LONP1: variants seen among roughly 807,000 people sequenced by gnomAD.
LONP1 encodes the protein lon peptidase 1, mitochondrial.
Under a neutral mutation model 98.5 loss-of-function variants are expected in LONP1, and 31 were observed. The ratio of observed to expected loss-of-function variants is 0.31; its 90% CI spans 0.24 to 0.42. The LOEUF is 0.42. Among genes scored for constraint, LONP1 ranks in the 20% least tolerant of loss-of-function variants. The probability of loss-of-function intolerance (pLI) is 1.00; values close to 1 mark genes in which losing one functional copy is unlikely to be tolerated. For synonymous variants in LONP1, 781 were observed against 594.7 expected (o/e 1.31, Z -4.56); for missense variants, 1,336 against 1,350.6 (o/e 0.99, Z 0.17).
chr19:5,712,380 CAG>C, intron 3 of LONP1: 1 of 209,398 alleles, frequency 4.8e-6, no homozygotes, highest in Non-Finnish European at 9.6e-6. Context: ...CAGCTCATAG[CAG>C]CTCCTTCCTG....
intron 8 of LONP1, among the ~76,000 whole-genome samples, chr19:5,704,818 A>T (rs1395797174): frequency 1.3e-5 from 2 of 152,236 alleles, no homozygotes; most frequent in East Asian, 1.9e-4. Context: ...AACAGAAGCC[A>T]GGGGTAGCCT....
At chr19:5,719,207 T>A (rs994427431) in intron 1 of LONP1, among the ~76,000 whole-genome samples, 1 of 152,102 alleles carries the variant, frequency 6.6e-6, no homozygotes, top group African/African-American at 2.4e-5. Context: ...AAGGCAGAAA[T>A]TTTTGTCTGT....
At chr19:5,699,266 ACT>A (rs1327739549) in intron 9 of LONP1, 61 bp from the exon 10 acceptor site, 6 of 1,345,550 alleles carry the variant, frequency 4.5e-6, no homozygotes, top group East Asian at 2.6e-5. Context: ...CCCGCGCATG[ACT>A]CTCGCCACCT....
rs149716180 is a variant in LONP1 at position 5,703,643 on chromosome 19, G to C, written c.1367+2129C>G. On this transcript the variant is annotated intron_variant, in intron 8 of 17. Coordinates refer to ENST00000360614, the MANE Select transcript of LONP1 (RefSeq NM_004793.4). ...CCCAACGGGCATACGAGACGCACCG[G>C]GACAGGCCAGCTGGGCCACACGGAT... Among the ~76,000 whole-genome samples, 54 of 151,682 alleles carry C rather than the reference G, an allele frequency of 3.6e-4. 2 individuals carry two copies. In the East Asian group the frequency reaches 9.1e-3, roughly 26 times the overall value.
Position 5,696,655 on chromosome 19 carries a change from C to A in LONP1, c.1773+15G>T, listed in dbSNP as rs778508442. On this transcript the variant is annotated intron_variant, in intron 11 of 17. Transcript: ENST00000360614. ...ATTGCCGGGTTAGGGGGTCTCCGGG[C>A]CTCTCCGCACGCACCTCGTCGATGA... The A allele has an allele frequency of 4.3e-6, 7 of 1,611,228 alleles. No individual in the cohort carries two copies. The highest frequency in any genetic ancestry group is 5.9e-6 in the Non-Finnish European group (7 of 1,178,320).
Position 5,700,818 on chromosome 19 carries a change from C to T in LONP1, c.1477G>A (p.Gly493Ser), listed in dbSNP as rs368727101. 188 of 1,614,070 alleles carry T rather than the reference C, an allele frequency of 1.2e-4. No individual in the cohort carries two copies. The highest frequency in any genetic ancestry group is 1.8e-4 in the Admixed American group (11 of 60,008). ...AQAVLEEDHY[G>S]MEDVKKRILE... is the part of the protein sequence containing the mutation. Reference sequence around the variant, plus strand: ...ATGCGTTTCTTGACGTCCTCCATGCCGTAGTGGTCTTCCTCCAGCACTGCC... The same window carrying T: ...ATGCGTTTCTTGACGTCCTCCATGCTGTAGTGGTCTTCCTCCAGCACTGCC... The change falls in exon 9 of 18, where the codon GGC (glycine) becomes AGC (serine). Residue 493 changes from glycine to serine, a missense_variant. Around this residue, in one of 5 missense-constraint regions of LONP1, gnomAD observed 219 missense variants for 241.0 expected, o/e 0.91. Transcript: ENST00000360614.
In LONP1 at chr19:5,698,368, G is replaced by A. The variant is rs138392136; in HGVS notation, c.1685+659C>T. On this transcript the variant is annotated intron_variant, in intron 10 of 17. Coordinates refer to ENST00000360614, the MANE Select transcript of LONP1 (RefSeq NM_004793.4). ...TGGACTCAGCAGATGCCTCACACTC[G>A]GCTCTCACTGAGGCTACGGTTTCCA... 4.2e-3 allele frequency among the ~76,000 whole-genome samples: 637 copies of A among 152,266 alleles called. 2 individuals are homozygous for A. The highest frequency in any genetic ancestry group is 0.014 in the African/African-American group (594 of 41,570).
chr19:5,704,821 G>T (rs1434509189), intron 8 of LONP1, among the ~76,000 whole-genome samples: 1 of 152,178 alleles, frequency 6.6e-6, no homozygotes. Flanking sequence ...AGAAGCCAGG[G>T]GTAGCCTTGC....
intron 9 of LONP1, among the ~76,000 whole-genome samples, chr19:5,700,289 T>A (rs956657261): frequency 2.6e-5 from 4 of 151,960 alleles, no homozygotes; most frequent in African/African-American, 9.7e-5. Flanking sequence ...AATTTTGTAT[T>A]TTTAGTATAG....
intron 8 of LONP1, among the ~76,000 whole-genome samples, chr19:5,703,055 C>A (rs1300516362): frequency 1.3e-5 from 2 of 151,844 alleles, no homozygotes; most frequent in Non-Finnish European, 2.9e-5. Flanking sequence ...GCAGCGGACA[C>A]CTGTAGTTCC....
chr19:5,706,490 C>T (rs1258655733), intron 7 of LONP1, among the ~76,000 whole-genome samples: 1 of 151,982 alleles, frequency 6.6e-6, no homozygotes, highest in East Asian at 1.9e-4. Flanking sequence ...GCCTGTAATC[C>T]CAGCTACTCG....
At position 5,696,232 on chromosome 19, in the gene LONP1, C is replaced by G. The variant is rs1248264484; in HGVS notation, c.1896+17G>C. 1.2e-6 allele frequency: 2 copies of G among 1,612,898 alleles called. No homozygotes were observed. The highest frequency in any genetic ancestry group is 1.7e-6 in the Non-Finnish European group (2 of 1,179,798). On this transcript the variant is annotated intron_variant, in intron 12 of 17. Transcript: ENST00000360614. ...TTACCCTCCCCAGCAAGCCCAGGCC[C>G]CAGACAGGCCCCCCACCTTGGACAA... is the stretch of plus-strand genomic sequence containing the variant.
At chr19:5,700,654 G>C (rs774073782) in intron 9 of LONP1, 135 bp downstream of exon 9, 16 of 1,250,086 alleles carry the variant, frequency 1.3e-5, no homozygotes, top group Non-Finnish European at 1.8e-5. Flanking sequence ...ACCTCCGCCG[G>C]GATCCCCCCG....
Position 5,720,045 on chromosome 19 carries a change from G to GC in LONP1, c.87dup (p.Arg30AlafsTer116), listed in dbSNP as rs1356390604. The GC allele has an allele frequency of 2.6e-6, 4 of 1,540,968 alleles. No individual in the cohort carries two copies. Among genetic ancestry groups the GC allele is most frequent in the African/African-American group, 2.8e-5 (2 of 71,120 alleles). ...CACGCTCCTGCTGCAGTGGGAACCCGCCCCCCGGCGGCGGCCAGCATCGGC... is the reference window on the plus strand; with the variant it reads ...CACGCTCCTGCTGCAGTGGGAACCCGCCCCCCCGGCGGCGGCCAGCATCGGC... On this transcript the variant is annotated frameshift_variant, in exon 1 of 18. Transcript: ENST00000360614. LOFTEE classifies it high-confidence loss of function.
rs549150459 is a variant in LONP1, at chr19:5,697,877, T to C, written c.1686-1120A>G. Among the ~76,000 whole-genome samples, 577 of 151,526 alleles carry C rather than the reference T, an allele frequency of 3.8e-3. 3 individuals carry two copies. The highest frequency in any genetic ancestry group is 0.013 in the African/African-American group (547 of 41,242). ...AGGCTTGTTCAGAACCCCGCCAGGG[T>C]CTCTCCTCCGGCCCGCACCTCCAGC... On this transcript the variant is annotated intron_variant, in intron 10 of 17. Coordinates refer to ENST00000360614, the MANE Select transcript of LONP1 (RefSeq NM_004793.4).
rs746707628 is a variant in LONP1 at position 5,692,083 on chromosome 19, G to A, written c.2829C>T (p.Phe943=). The change falls in exon 18 of 18, where the codon TTC becomes TTT. Residue 943 remains phenylalanine, a synonymous_variant. Transcript: ENST00000360614. ...CCTGCTCGTCCGGGAAGGCGATGTCGAAGATCTCCCGGTAGTGTTCCACGA... is the reference window on the plus strand; with the variant it reads ...CCTGCTCGTCCGGGAAGGCGATGTCAAAGATCTCCCGGTAGTGTTCCACGA... ...VHFVEHYREI[F]DIAFPDEQAE... 10 of 1,610,462 alleles carry A rather than the reference G, an allele frequency of 6.2e-6. No homozygotes were observed. The highest frequency in any genetic ancestry group is 3.4e-5 in the Admixed American group (2 of 59,676).
At chr19:5,710,006 C>G (rs954112906) in intron 4 of LONP1, among the ~76,000 whole-genome samples, 39 of 151,794 alleles carry the variant, frequency 2.6e-4, no homozygotes, top group Non-Finnish European at 2.9e-5. Flanking sequence ...CTGTCTTCCC[C>G]CTGTTGCAAG....
intron 8 of LONP1, among the ~76,000 whole-genome samples, chr19:5,705,380 C>T (rs1699542387): frequency 6.6e-6 from 1 of 151,730 alleles, no homozygotes; most frequent in African/African-American, 2.4e-5. Context: ...ATTGCTTGAA[C>T]CCGCAAAGCG....
intron 3 of LONP1, 110 bp downstream of exon 3, chr19:5,713,024 G>A (rs1386761292): frequency 1.6e-5 from 24 of 1,486,786 alleles, no homozygotes; most frequent in Middle Eastern, 1.9e-4. Context: ...TGAGAAAGCC[G>A]CTGGGCTGAC....
Sources: gnomAD v4.1 joint callset for allele counts (sites outside exome capture counted in the v4.1 genomes callset) on GRCh38, gnomAD v4.1.1 for gene constraint, gnomAD v4.1.1 regional missense constraint, MANE v1.5 for transcripts, NCBI Gene and HGNC (gene_info 2026-07-23, HGNC 2026-07-21) for gene names.